Variants in CACNB2 observed in about 807,000 individuals in gnomAD.
CACNB2 encodes the protein voltage-dependent L-type calcium channel subunit beta-2.
Under a neutral mutation model 73.3 loss-of-function variants are expected in CACNB2, and 42 were observed. The ratio of observed to expected loss-of-function variants is 0.57; its 90% CI spans 0.45 to 0.74. CACNB2 has a LOEUF of 0.74. Among genes scored for constraint, CACNB2 ranks in the 30% least tolerant of loss-of-function variants. CACNB2 has a pLI of 0.00. For synonymous variants in CACNB2, 348 were observed against 310.3 expected (o/e 1.12, Z -1.28); for missense variants, 940 against 853.0 (o/e 1.10, Z -1.27).
chr10:18,279,363 G>T (rs897025223), intron 2 of CACNB2, among the ~76,000 whole-genome samples: 1 of 152,118 alleles, frequency 6.6e-6, no homozygotes, highest in African/African-American at 2.4e-5. Flanking sequence ...CTGATGATTC[G>T]CACCAAGGGG....
chr10:18,160,000 C>A (rs2032341115), intron 2 of CACNB2, among the ~76,000 whole-genome samples: 1 of 152,064 alleles, frequency 6.6e-6, no homozygotes, highest in Non-Finnish European at 1.5e-5. Context: ...AAATATTGAC[C>A]TTTTTAAATA....
intron 3 of CACNB2, among the ~76,000 whole-genome samples, chr10:18,456,967 C>A (rs908779085): frequency 6.6e-6 from 1 of 152,136 alleles, no homozygotes; most frequent in African/African-American, 2.4e-5. Flanking sequence ...TCCCTTTCTC[C>A]CCTTAAGGGC....
intron 2 of CACNB2, among the ~76,000 whole-genome samples, chr10:18,278,535 C>A (rs10741020): frequency 0.8 from 121,614 of 151,880 alleles, 49,032 homozygotes; most frequent in East Asian, 0.99. Flanking sequence ...GAGAGAAAAA[C>A]AAAGAAAATG....
intron 3 of CACNB2, among the ~76,000 whole-genome samples, chr10:18,478,879 T>C (rs1248504494): frequency 2.6e-5 from 4 of 152,172 alleles, no homozygotes; most frequent in Admixed American, 1.3e-4. Context: ...CCTGGGCAGA[T>C]ACAGCCTTTG....
chr10:18,328,226 G>A (rs1045893778), intron 2 of CACNB2, among the ~76,000 whole-genome samples: 51 of 152,252 alleles, frequency 3.3e-4, no homozygotes, highest in African/African-American at 1.1e-3. Flanking sequence ...ACAATAATTT[G>A]CTACCTTGGC....
chr10:18,313,707 A>G (rs1056219890), intron 2 of CACNB2, among the ~76,000 whole-genome samples: 3 of 152,372 alleles, frequency 2.0e-5, no homozygotes, highest in Middle Eastern at 6.8e-3. Context: ...CACTAAAGCC[A>G]TAAAGCCATC....
intron 2 of CACNB2, among the ~76,000 whole-genome samples, chr10:18,203,040 C>A (rs972168675): frequency 6.6e-6 from 1 of 152,186 alleles, no homozygotes; most frequent in African/African-American, 2.4e-5. Context: ...CTGTCACTCA[C>A]TCTTTGAAAA....
Position 18,536,171 on chromosome 10 carries a change from C to T in CACNB2, c.1277C>T (p.Ala426Val). 1 of 1,592,450 alleles carries T rather than the reference C, an allele frequency of 6.3e-7. No individual in the cohort carries two copies. Among genetic ancestry groups the T allele is most frequent in the East Asian group, 2.3e-5 (1 of 43,176 alleles). ...CACCTCAACGTCCAGATGGTAGCAG[C>T]TGATAAACTGGCTCAGTGTCCTCCA... ...AKHLNVQMVA[A>V]DKLAQCPPEL... The change falls in exon 12 of 14, where the codon GCT becomes GTT. Residue 426 changes from alanine to valine, a missense_variant. Coordinates refer to ENST00000324631, the MANE Select transcript of CACNB2 (RefSeq NM_201596.3).
At chr10:18,489,390 C>CAAAAA (rs66974116) in intron 3 of CACNB2, among the ~76,000 whole-genome samples, 2 of 59,782 alleles carry the variant, frequency 3.3e-5, no homozygotes, top group African/African-American at 6.9e-5. Context: ...AACTCCATCT[C>CAAAAA]AAAAAAAAAA....
At chr10:18,535,256 C>T (rs1302023230) in intron 11 of CACNB2, among the ~76,000 whole-genome samples, 1 of 152,104 alleles carries the variant, frequency 6.6e-6, no homozygotes. Flanking sequence ...TAAGGAACCA[C>T]CATTTGTTGA....
chr10:18,251,241 C>A (rs1029929410), intron 2 of CACNB2, among the ~76,000 whole-genome samples: 1 of 151,610 alleles, frequency 6.6e-6, no homozygotes, highest in African/African-American at 2.4e-5. Flanking sequence ...AGTCTCTCGG[C>A]TCTTTTTTTT....
intron 2 of CACNB2, among the ~76,000 whole-genome samples, chr10:18,372,215 C>T (rs1219627677): frequency 6.6e-6 from 1 of 152,098 alleles, no homozygotes; most frequent in Non-Finnish European, 1.5e-5. Context: ...GAACTGGATC[C>T]CATTTGTCAA....
chr10:18,368,155 A>G lies in CACNB2; in HGVS notation c.214-33769A>G, dbSNP rs146929894. Among the ~76,000 whole-genome samples, 313 of 152,298 alleles carry G rather than the reference A, an allele frequency of 2.1e-3. 3 individuals are homozygous for G. Among genetic ancestry groups the G allele is most frequent in the Middle Eastern group, 0.01 (3 of 294 alleles). ...CTCCTAATTTGGTGTCTTTATTTCAATCTTTGGAGTAAGATTATGAACAAT... is the reference window on the plus strand; with the variant it reads ...CTCCTAATTTGGTGTCTTTATTTCAGTCTTTGGAGTAAGATTATGAACAAT... On this transcript the variant is annotated intron_variant, in intron 2 of 13. Transcript: ENST00000324631.
At chr10:18,166,813 G>A (rs2032889157) in intron 2 of CACNB2, among the ~76,000 whole-genome samples, 1 of 152,134 alleles carries the variant, frequency 6.6e-6, no homozygotes, top group African/African-American at 2.4e-5. Flanking sequence ...GTTAATGGGT[G>A]CAGCACACCA....
chr10:18,473,498 G>T (rs2048293290), intron 3 of CACNB2, among the ~76,000 whole-genome samples: 1 of 152,172 alleles, frequency 6.6e-6, no homozygotes, highest in African/African-American at 2.4e-5. Flanking sequence ...AGAATCACCA[G>T]TGCTAGTTTA....
intron 2 of CACNB2, among the ~76,000 whole-genome samples, chr10:18,389,787 C>A (rs913498634): frequency 6.6e-6 from 1 of 152,166 alleles, no homozygotes; most frequent in Non-Finnish European, 1.5e-5. Context: ...GTCCCCCTGA[C>A]ATTGTGAATT....
rs10545839 is a variant in CACNB2, at chr10:18,335,784, A to AACACACACAC, written c.214-66108_214-66099dup. ...TCTCAGTCTTGTTTGACAGCAAGAA[A>AACACACACAC]ACACACACACACACACACACACACA... On this transcript the variant is annotated intron_variant, in intron 2 of 13. Coordinates refer to ENST00000324631, the MANE Select transcript of CACNB2 (RefSeq NM_201596.3). Among the ~76,000 whole-genome samples the AACACACACAC allele has an allele frequency of 2.4e-3, 350 of 144,060 alleles. 1 individual carries two copies. Among genetic ancestry groups the AACACACACAC allele is most frequent in the African/African-American group, 6.6e-3 (255 of 38,610 alleles). 94.5% of individuals were successfully genotyped at this position (144,060 alleles called of 152,430 possible).
chr10:18,226,086 G>A (rs1396143883), intron 2 of CACNB2, among the ~76,000 whole-genome samples: 1 of 151,382 alleles, frequency 6.6e-6, no homozygotes, highest in Admixed American at 6.6e-5. Flanking sequence ...GAGTGCTGTG[G>A]TGTGATCTAG....
intron 3 of CACNB2, among the ~76,000 whole-genome samples, chr10:18,432,471 T>C (rs2045935432): frequency 6.6e-6 from 1 of 151,978 alleles, no homozygotes; most frequent in South Asian, 2.1e-4. Flanking sequence ...TGTGTGTGTG[T>C]GTGTGTGTGT....
Sources: gnomAD v4.1 joint callset for allele counts (sites outside exome capture counted in the v4.1 genomes callset) on GRCh38, gnomAD v4.1.1 for gene constraint, MANE v1.5 for transcripts, NCBI Gene and HGNC (gene_info 2026-07-23, HGNC 2026-07-21) for gene names.